The following MKX variants were observed in gnomAD, a reference collection of about 807,000 sequenced individuals.
MKX encodes the protein homeobox protein Mohawk.
MKX carries 13 observed loss-of-function variants against 36.0 expected under a neutral mutation model. The observed-to-expected ratio is 0.36, with a 90% CI of 0.24 to 0.57. MKX has a LOEUF of 0.57. Ranked by LOEUF, MKX falls within the 20% of genes least tolerant of loss-of-function variation. The pLI, the probability that MKX is intolerant of heterozygous loss-of-function variation, is 0.79. For synonymous variants in MKX, 176 were observed against 178.3 expected, an observed-to-expected ratio of 0.99 and a Z score of 0.10; for missense variants, 458 against 456.4, an observed-to-expected ratio of 1.00 and a Z score of -0.03.
chr10:27,687,693 TAACTCATTCA>T (rs1836383172), intron 5 of MKX, among the ~76,000 whole-genome samples: 1 of 152,216 alleles, frequency 6.6e-6, no homozygotes, highest in Non-Finnish European at 1.5e-5. Flanking sequence ...TTCTTGATGC[TAACTCATTCA>T]GCATAGTCCC....
chr10:27,693,884 AG>A (rs1369885547), intron 5 of MKX, among the ~76,000 whole-genome samples: 2 of 152,116 alleles, frequency 1.3e-5, no homozygotes, highest in African/African-American at 2.4e-5. Flanking sequence ...TCCCATGTGC[AG>A]TGAGAGGGAC....
intron 5 of MKX, among the ~76,000 whole-genome samples, chr10:27,693,997 C>T (rs924567661): frequency 6.6e-6 from 1 of 152,112 alleles, no homozygotes; most frequent in Admixed American, 6.5e-5. Context: ...AGGGGTTTCC[C>T]CTTTTGCTTG....
chr10:27,732,720 G>A (rs892795534), intron 5 of MKX, among the ~76,000 whole-genome samples: 1 of 151,816 alleles, frequency 6.6e-6, no homozygotes, highest in Non-Finnish European at 1.5e-5. Context: ...GCTCTTCTCT[G>A]GTCACAACAG....
At chr10:27,686,446 G>A (rs1481172549) in intron 5 of MKX, among the ~76,000 whole-genome samples, 3 of 146,110 alleles carry the variant, frequency 2.1e-5, no homozygotes, top group African/African-American at 7.6e-5. Context: ...AGGAAGGAAG[G>A]AAAGAGGGGG....
In MKX at chr10:27,675,204, A is replaced by G. The variant is rs758589393; in HGVS notation, c.*25T>C. The G allele has an allele frequency of 6.9e-6, 11 of 1,605,484 alleles. No homozygotes were observed. Among genetic ancestry groups the G allele is most frequent in the Non-Finnish European group, 8.5e-6 (10 of 1,175,074 alleles). On this transcript the variant is annotated 3_prime_UTR_variant, in exon 7 of 7. Coordinates refer to ENST00000419761, the MANE Select transcript of MKX (RefSeq NM_173576.3). Reference sequence around the variant, plus strand: ...GATGAAAACACCGGAAAGAACATCCATTGGATCTGAAAAGCAACAAGCTCT... The same window carrying G: ...GATGAAAACACCGGAAAGAACATCCGTTGGATCTGAAAAGCAACAAGCTCT...
chr10:27,702,721 T>C lies in MKX; in HGVS notation c.839-27167A>G, dbSNP rs186204222. Reference sequence around the variant, plus strand: ...TGCAGGATCGCAGATCAGAATTAGTTTGCAGAAGACTTACAGCTGAATCAA... The same window carrying C: ...TGCAGGATCGCAGATCAGAATTAGTCTGCAGAAGACTTACAGCTGAATCAA... On this transcript the variant is annotated intron_variant, in intron 5 of 6. Transcript: ENST00000419761. Among the ~76,000 whole-genome samples, 3 of 152,322 alleles carry C rather than the reference T, an allele frequency of 2.0e-5. No homozygotes were observed. In the East Asian group the frequency reaches 5.8e-4, roughly 29 times the overall value.
chr10:27,721,325 T>C (rs779604014), intron 5 of MKX, among the ~76,000 whole-genome samples: 13 of 151,808 alleles, frequency 8.6e-5, no homozygotes, highest in Non-Finnish European at 1.6e-4. Flanking sequence ...ACTACACTCA[T>C]GAAAATGGTA....
chr10:27,718,293 T>C (rs1837000097), intron 5 of MKX, among the ~76,000 whole-genome samples: 1 of 152,238 alleles, frequency 6.6e-6, no homozygotes, highest in Admixed American at 6.5e-5. Flanking sequence ...AAGCCAAATA[T>C]GCAAATTTAA....
intron 5 of MKX, among the ~76,000 whole-genome samples, chr10:27,685,615 A>AT (rs372782521): frequency 0.01 from 1,565 of 151,620 alleles, 41 homozygotes; most frequent in African/African-American, 0.035. Context: ...CGCCTGGCTA[A>AT]TTTTTTTTGT....
chr10:27,734,815 G>T (rs1834716445), intron 4 of MKX, 24 bp from the exon 5 acceptor site: 6 of 1,561,638 alleles, frequency 3.8e-6, no homozygotes, highest in Non-Finnish European at 5.2e-6. Context: ...GTATCACTAA[G>T]TAGGGTGGTA....
rs370516554 is a variant in MKX at position 27,741,513 on chromosome 10, T to G, written c.189-9A>C. On this transcript the variant is annotated splice_polypyrimidine_tract_variant and intron_variant, in intron 2 of 6. Coordinates refer to ENST00000419761, the MANE Select transcript of MKX (RefSeq NM_173576.3). The surrounding 1 kb of genome is among the most constrained non-coding windows in gnomAD (Gnocchi z 5.1). ...CGCCATTCTGCCGGGCGCTGGGACA[T>G]GGGGAGAGGAGGCGGCCCTGGTGAG... The G allele has an allele frequency of 1.6e-4, 247 of 1,579,698 alleles. No homozygotes were observed. The highest frequency in any genetic ancestry group is 3.2e-4 in the Admixed American group (17 of 53,694).
intron 5 of MKX, among the ~76,000 whole-genome samples, chr10:27,682,579 G>T (rs977041767): frequency 6.6e-6 from 1 of 152,100 alleles, no homozygotes; most frequent in African/African-American, 2.4e-5. Context: ...TTGGCACCAG[G>T]GCCTGGTTTT....
rs55968845 is a variant in MKX, at chr10:27,724,756, T to TACACACACAC, written c.838+9690_838+9699dup. ...GATTTCTATTACTGCTACTACTACC[T>TACACACACAC]ACACACACACACACACACACACACA... On this transcript the variant is annotated intron_variant, in intron 5 of 6. Coordinates refer to ENST00000419761, the MANE Select transcript of MKX (RefSeq NM_173576.3). Among the ~76,000 whole-genome samples the TACACACACAC allele has an allele frequency of 3.4e-3, 480 of 141,482 alleles. 4 individuals are homozygous for TACACACACAC. Among genetic ancestry groups the TACACACACAC allele is most frequent in the African/African-American group, 0.01 (382 of 38,002 alleles). 92.8% of individuals were successfully genotyped at this position (141,482 alleles called of 152,430 possible).
chr10:27,735,163 A>G, intron 4 of MKX, 58 bp downstream of exon 4: 1 of 1,450,590 alleles, frequency 6.9e-7, no homozygotes, highest in Non-Finnish European at 9.2e-7. Flanking sequence ...AATAGCAATT[A>G]TGGTGAACTT....
At chr10:27,730,445 C>A (rs1209462919) in intron 5 of MKX, among the ~76,000 whole-genome samples, 1 of 147,868 alleles carries the variant, frequency 6.8e-6, no homozygotes, top group Non-Finnish European at 1.5e-5. Flanking sequence ...TTTCTCACAC[C>A]AACTTTCAAC....
chr10:27,722,536 A>G (rs1405544864), intron 5 of MKX, among the ~76,000 whole-genome samples: 3 of 152,184 alleles, frequency 2.0e-5, no homozygotes, highest in Non-Finnish European at 4.4e-5. Context: ...TTGCCTTAAA[A>G]CACACACCCA....
intron 5 of MKX, among the ~76,000 whole-genome samples, chr10:27,717,321 A>G (rs1216523542): frequency 6.6e-6 from 1 of 152,184 alleles, no homozygotes; most frequent in Non-Finnish European, 1.5e-5. Flanking sequence ...AAAATTTGTG[A>G]TGATTTGTTA....
Position 27,715,791 on chromosome 10 carries a change from T to C in MKX, c.838+18665A>G, listed in dbSNP as rs538073469. Among the ~76,000 whole-genome samples the C allele has an allele frequency of 3.3e-5, 5 of 152,260 alleles. No individual in the cohort carries two copies. In the South Asian group the frequency reaches 1.0e-3, roughly 32 times the overall value. ...AGCTGCCTGAGATGAGAGCCTGCCA[T>C]TCTCGATTGACAGATGGAAAACCAC... is the stretch of plus-strand genomic sequence containing the variant. On this transcript the variant is annotated intron_variant, in intron 5 of 6. Transcript: ENST00000419761.
Position 27,683,635 on chromosome 10 carries a change from T to C in MKX, c.839-8081A>G, listed in dbSNP as rs1334738042. ...TGAAAACTGTGCTTCTGCACACCTA[T>C]TAAGTTTGGGGGCCATTACTTTGAT... is the stretch of plus-strand genomic sequence containing the variant. On this transcript the variant is annotated intron_variant, in intron 5 of 6. Coordinates refer to ENST00000419761, the MANE Select transcript of MKX (RefSeq NM_173576.3). Among the ~76,000 whole-genome samples the C allele has an allele frequency of 3.9e-5, 6 of 152,244 alleles. No individual in the cohort carries two copies. The East Asian group carries it at 9.6e-4, about 24-fold the overall frequency.
Sources: gnomAD v4.1 joint callset for allele counts (sites outside exome capture counted in the v4.1 genomes callset) on GRCh38, gnomAD v4.1.1 for gene constraint, Gnocchi (gnomAD v3.1) non-coding constraint, MANE v1.5 for transcripts, NCBI Gene and HGNC (gene_info 2026-07-23, HGNC 2026-07-21) for gene names.